The following PRKN variants were observed in gnomAD, a reference collection of about 807,000 sequenced individuals.
PRKN encodes the protein E3 ubiquitin-protein ligase parkin.
A neutral mutation model predicts 59.5 loss-of-function variants in PRKN; 56 were observed. That is an observed-to-expected ratio of 0.94 (90% confidence interval 0.76 to 1.18). The LOEUF (loss-of-function observed/expected upper bound fraction) is 1.18, where lower values mean the gene tolerates loss of function less well. PRKN is among the 50% of genes most tolerant of loss of function. The probability of loss-of-function intolerance (pLI) is 0.00; values close to 1 mark genes in which losing one functional copy is unlikely to be tolerated. For missense variants in PRKN, 657 were observed against 596.4 expected, an observed-to-expected ratio of 1.10 and a Z score of -1.06; for synonymous variants, 250 against 222.1, an observed-to-expected ratio of 1.13 and a Z score of -1.12.
At chr6:161,974,139 T>A (rs1267491472) in intron 5 of PRKN, among the ~76,000 whole-genome samples, 6 of 152,086 alleles carry the variant, frequency 3.9e-5, no homozygotes, top group East Asian at 1.9e-4. Context: ...TGACGGCACA[T>A]GACTGTAATC....
chr6:161,474,170 T>C (rs1327757946), intron 9 of PRKN, among the ~76,000 whole-genome samples: 1 of 152,216 alleles, frequency 6.6e-6, no homozygotes, highest in Non-Finnish European at 1.5e-5. Context: ...CACTGTTTAC[T>C]AGTACCATGT....
At chr6:161,641,633 C>G (rs1324030577) in intron 7 of PRKN, among the ~76,000 whole-genome samples, 1 of 152,170 alleles carries the variant, frequency 6.6e-6, no homozygotes, top group Non-Finnish European at 1.5e-5. Flanking sequence ...TTGCAATTCC[C>G]CAGCCTTGAT....
chr6:162,318,696 G>C (rs76668821), intron 2 of PRKN, among the ~76,000 whole-genome samples: 4,387 of 152,048 alleles, frequency 0.029, 213 homozygotes, highest in African/African-American at 0.098. Context: ...AATAATTAGT[G>C]ATGTTGAGTG....
At chr6:162,345,262 G>T (rs1208915682) in intron 2 of PRKN, among the ~76,000 whole-genome samples, 1 of 152,198 alleles carries the variant, frequency 6.6e-6, no homozygotes, top group African/African-American at 2.4e-5. Flanking sequence ...GTCATTTTAA[G>T]AATCAGGGCA....
intron 6 of PRKN, among the ~76,000 whole-genome samples, chr6:161,792,305 G>C (rs951505052): frequency 2.6e-5 from 4 of 152,140 alleles, no homozygotes; most frequent in Non-Finnish European, 5.9e-5. Context: ...GTCATATATA[G>C]GTTGAAGACC....
At chr6:162,083,778 T>C (rs1198200852) in intron 4 of PRKN, among the ~76,000 whole-genome samples, 1 of 152,046 alleles carries the variant, frequency 6.6e-6, no homozygotes, top group Non-Finnish European at 1.5e-5. Flanking sequence ...CTTCATTCTC[T>C]TTTACCTTAG....
intron 5 of PRKN, among the ~76,000 whole-genome samples, chr6:162,020,198 C>T (rs140726344): frequency 2.5e-3 from 376 of 151,934 alleles, no homozygotes; most frequent in African/African-American, 7.3e-3. Flanking sequence ...TTAGAGAGCT[C>T]ATTAGGCTCC....
chr6:161,847,810 G>T (rs1041597501), intron 6 of PRKN, among the ~76,000 whole-genome samples: 1 of 152,182 alleles, frequency 6.6e-6, no homozygotes, highest in Admixed American at 6.5e-5. Flanking sequence ...CTGGGAACCA[G>T]GTCCTCTCTT....
intron 7 of PRKN, among the ~76,000 whole-genome samples, chr6:161,725,963 T>A (rs867427628): frequency 1.3e-5 from 2 of 152,226 alleles, no homozygotes; most frequent in Admixed American, 1.3e-4. Context: ...AAATGAAATA[T>A]GTCCCACATT....
At chr6:161,439,613 C>A (rs1789096818) in intron 9 of PRKN, among the ~76,000 whole-genome samples, 1 of 151,822 alleles carries the variant, frequency 6.6e-6, no homozygotes, top group African/African-American at 2.4e-5. Context: ...CGTGATGAAG[C>A]CAGATCTCCG....
chr6:162,052,066 T>C (rs1777667151), intron 5 of PRKN, among the ~76,000 whole-genome samples: 1 of 152,234 alleles, frequency 6.6e-6, no homozygotes, highest in South Asian at 2.1e-4. Context: ...CAGGGTGGTA[T>C]GGCCGTAGAC....
chr6:162,715,439 A>G (rs1778686260), intron 1 of PRKN, among the ~76,000 whole-genome samples: 1 of 152,192 alleles, frequency 6.6e-6, no homozygotes, highest in African/African-American at 2.4e-5. Flanking sequence ...AGACAGTCTG[A>G]AGTACACAAA....
chr6:162,575,765 A>T (rs553035590), intron 1 of PRKN, among the ~76,000 whole-genome samples: 1 of 152,048 alleles, frequency 6.6e-6, no homozygotes, highest in Admixed American at 6.5e-5. Context: ...GTCTCCATGG[A>T]CTCCTCAACA....
intron 2 of PRKN, among the ~76,000 whole-genome samples, chr6:162,431,304 A>C (rs573477725): frequency 6.6e-6 from 1 of 152,226 alleles, no homozygotes; most frequent in Non-Finnish European, 1.5e-5. Context: ...CAACAGATAC[A>C]TATCATCAAT....
intron 6 of PRKN, among the ~76,000 whole-genome samples, chr6:161,965,709 G>A (rs933029218): frequency 3.9e-5 from 6 of 151,972 alleles, no homozygotes; most frequent in Admixed American, 2.0e-4. Flanking sequence ...TAGTTTGGTC[G>A]AGAAAGGTGG....
chr6:162,303,511 T>C (rs1782058571), intron 2 of PRKN, among the ~76,000 whole-genome samples: 1 of 152,158 alleles, frequency 6.6e-6, no homozygotes, highest in South Asian at 2.1e-4. Flanking sequence ...CATAAATTCA[T>C]TAATTAACAA....
intron 2 of PRKN, among the ~76,000 whole-genome samples, chr6:162,314,682 C>G (rs1199637603): frequency 6.6e-6 from 1 of 152,146 alleles, no homozygotes; most frequent in Non-Finnish European, 1.5e-5. Flanking sequence ...AGAACTGACA[C>G]TGAATTTTAG....
At chr6:161,465,483 T>G (rs1003329205) in intron 9 of PRKN, among the ~76,000 whole-genome samples, 1 of 151,544 alleles carries the variant, frequency 6.6e-6, no homozygotes, top group African/African-American at 2.4e-5. Context: ...TTTGGGGATT[T>G]TTTTTTTTTT....
chr6:161,717,269 C>T lies in PRKN; in HGVS notation c.871+68503G>A, dbSNP rs1276685253. Among the ~76,000 whole-genome samples, 2 of 152,180 alleles carry T rather than the reference C, an allele frequency of 1.3e-5. 1 individual carries two copies. Among genetic ancestry groups the T allele is most frequent in the African/African-American group, 4.8e-5 (2 of 41,456 alleles). On this transcript the variant is annotated intron_variant, in intron 7 of 11. Transcript: ENST00000366898. ...TGCTGTACCAGCCCATGATGGAATGCGGACGGGCAAGAGGACTGAGAATGG... is the reference window on the plus strand; with the variant it reads ...TGCTGTACCAGCCCATGATGGAATGTGGACGGGCAAGAGGACTGAGAATGG...
Sources: allele counts gnomAD v4.1 joint callset (sites outside exome capture counted in the v4.1 genomes callset), GRCh38; gene constraint gnomAD v4.1.1; transcripts MANE v1.5; gene names NCBI Gene and HGNC (gene_info 2026-07-23, HGNC 2026-07-21).